Variants in ERGIC1 observed in about 807,000 individuals in gnomAD.
The protein encoded by ERGIC1 is endoplasmic reticulum-golgi intermediate compartment 1.
In ERGIC1, 19 loss-of-function variants were observed where a neutral mutation model predicts 38.3. That is an observed-to-expected ratio of 0.50 (90% CI 0.35 to 0.73). The LOEUF is 0.73. ERGIC1 is among the 30% of genes least tolerant of loss of function. ERGIC1 has a pLI of 0.01. For synonymous variants in ERGIC1, 124 were observed against 157.6 expected (o/e 0.79, Z 1.60); for missense variants, 294 against 389.2 (o/e 0.76, Z 2.06).
intron 5 of ERGIC1, chr5:172,916,580 T>A (rs1343043608): frequency 6.6e-6 from 1 of 152,228 alleles, no homozygotes; most frequent in Non-Finnish European, 1.5e-5. Context: ...ACATTTCAAG[T>A]GCTCAAAGCC....
At chr5:172,838,387 G>A (rs1761083390) in intron 1 of ERGIC1, among the ~76,000 whole-genome samples, 1 of 152,140 alleles carries the variant, frequency 6.6e-6, no homozygotes, top group Admixed American at 6.5e-5. Flanking sequence ...AGGTCATGCG[G>A]CCCTGATGGG....
intron 8 of ERGIC1, chr5:172,933,232 C>G (rs1242660729): frequency 2.0e-5 from 3 of 152,372 alleles, no homozygotes; most frequent in Admixed American, 2.0e-4. Flanking sequence ...CAGGACTGTC[C>G]TTTTTCTTCT....
At chr5:172,887,938 G>C (rs1445436131) in intron 1 of ERGIC1, among the ~76,000 whole-genome samples, 4 of 152,206 alleles carry the variant, frequency 2.6e-5, no homozygotes, top group Non-Finnish European at 4.4e-5. Context: ...GGGGAGGAGA[G>C]GTGACGTGGA....
In ERGIC1 at chr5:172,947,164, CAA is replaced by C. The variant is rs1176486990; in HGVS notation, c.766-3544_766-3543del. Among the ~76,000 whole-genome samples, 5 of 131,210 alleles carry C rather than the reference CAA, an allele frequency of 3.8e-5. No individual in the cohort carries two copies. The South Asian group carries it at 1.0e-3, about 26-fold the overall frequency. The allele number at this position is 131,210 out of a possible 152,430, so 86.1% of individuals were successfully genotyped here. A position where few individuals can be genotyped will look rare whatever the true frequency, so the allele number is the denominator to read the frequency against. The stretch of plus-strand genomic sequence containing the variant: ...CCCCATTGCACTCCAATCTGGGCGA[CAA>C]GAGTGAGACTCAATCTCAAAAAAAA... On this transcript the variant is annotated intron_variant, in intron 9 of 9. Coordinates refer to ENST00000393784, the MANE Select transcript of ERGIC1 (RefSeq NM_001031711.3).
intron 1 of ERGIC1, among the ~76,000 whole-genome samples, chr5:172,860,472 T>G (rs1255952372): frequency 6.6e-6 from 1 of 152,242 alleles, no homozygotes; most frequent in African/African-American, 2.4e-5. Flanking sequence ...AGGGCAGAGC[T>G]GGGGTTTGAA....
intron 9 of ERGIC1, among the ~76,000 whole-genome samples, chr5:172,949,035 AGAGT>A (rs1764177638): frequency 6.6e-6 from 1 of 152,222 alleles, no homozygotes; most frequent in African/African-American, 2.4e-5. Context: ...CCTGGGTGAC[AGAGT>A]GAGACCCTGT....
In ERGIC1 at chr5:172,909,778, GC is replaced by G. The variant is rs747948464; in HGVS notation, c.250+21del. 29 of 1,609,690 alleles carry G rather than the reference GC, an allele frequency of 1.8e-5. No individual in the cohort carries two copies. The highest frequency in any genetic ancestry group is 1.6e-4 in the Middle Eastern group (1 of 6,072). ...ACTGCGAGTGTGAGTACTCCACGCA[GC>G]CCCTCCCTCCAGCAGGACACCTCCT... is the stretch of plus-strand genomic sequence containing the variant. On this transcript the variant is annotated intron_variant, in intron 4 of 9. Transcript: ENST00000393784.
Position 172,923,949 on chromosome 5 carries a change from T to C in ERGIC1, c.376-56T>C. On this transcript the variant is annotated intron_variant, in intron 5 of 9. Coordinates refer to ENST00000393784, the MANE Select transcript of ERGIC1 (RefSeq NM_001031711.3). ...TGGATCACACAGGGTGAGGCCCCAA[T>C]GTTCCGCCCCCTGGAGAAGTCAACC... 3 of 1,509,306 alleles carry C rather than the reference T, an allele frequency of 2.0e-6. No individual in the cohort carries two copies. The South Asian group carries it at 3.4e-5, about 17-fold the overall frequency. 93.5% of individuals were successfully genotyped at this position (1,509,306 alleles called of 1,614,324 possible).
At position 172,890,350 on chromosome 5, in the gene ERGIC1, A is replaced by T. The variant is rs73325163; in HGVS notation, c.82+1590A>T. ...ACTGATAAGAGACTAAGGACCCAGG[A>T]TGAAAATGCAAAGTGGACTCCCAGA... On this transcript the variant is annotated intron_variant, in intron 2 of 9. Coordinates refer to ENST00000393784, the MANE Select transcript of ERGIC1 (RefSeq NM_001031711.3). Among the ~76,000 whole-genome samples the T allele has an allele frequency of 8.2e-3, 1,250 of 152,350 alleles. 16 individuals carry two copies. Among genetic ancestry groups the T allele is most frequent in the African/African-American group, 0.028 (1,182 of 41,580 alleles).
In ERGIC1 at chr5:172,914,244, A is replaced by AT. The variant is rs1468192528; in HGVS notation, c.251-470_251-469insT. Among the ~76,000 whole-genome samples, 1,083 of 141,726 alleles carry AT rather than the reference A, an allele frequency of 7.6e-3. 18 individuals are homozygous for AT. Among genetic ancestry groups the AT allele is most frequent in the African/African-American group, 0.028 (1,002 of 35,574 alleles). The allele number at this position is 141,726 out of a possible 152,430, so 93.0% of individuals were successfully genotyped here. On this transcript the variant is annotated intron_variant, in intron 4 of 9. Coordinates refer to ENST00000393784, the MANE Select transcript of ERGIC1 (RefSeq NM_001031711.3). ...AGCAAGACTCTGTCTCAAAAAAAAA[A>AT]AAAAAAAAAAAAATACAAAGACTAT...
At chr5:172,915,214 C>T (rs1181905910) in intron 5 of ERGIC1, 7 of 601,706 alleles carry the variant, frequency 1.2e-5, no homozygotes, top group Middle Eastern at 7.5e-4. Context: ...AATAGTATCA[C>T]GATACCACCC....
At chr5:172,915,138 A>G (rs1763328312) in intron 5 of ERGIC1, 3 of 673,816 alleles carry the variant, frequency 4.5e-6, no homozygotes, top group Non-Finnish European at 5.4e-6. Context: ...TTCAAGTCCC[A>G]GCTCTACCCC....
intron 5 of ERGIC1, among the ~76,000 whole-genome samples, chr5:172,920,199 A>T (rs943803384): frequency 6.6e-6 from 1 of 151,524 alleles, no homozygotes; most frequent in Admixed American, 6.6e-5. Context: ...ACCGTCCCCC[A>T]CCCCAGCCCA....
In ERGIC1 at chr5:172,834,478, A is replaced by G. The variant is rs1461645589; in HGVS notation, c.20+45A>G. On this transcript the variant is annotated intron_variant, in intron 1 of 9. Transcript: ENST00000393784. The surrounding 1 kb of genome is among the most constrained non-coding windows in gnomAD (Gnocchi z 4.1). ...CCAGTCGGGAGTTCCCTCAGCGGGC[A>G]GAGGGAGCGCCCCGGCACGCCGCGG... 1 of 1,291,024 alleles carries G rather than the reference A, an allele frequency of 7.7e-7. No homozygotes were observed. Among genetic ancestry groups the G allele is most frequent in the Non-Finnish European group, 9.8e-7 (1 of 1,016,278 alleles). The allele number at this position is 1,291,024 out of a possible 1,614,324, so 80.0% of individuals were successfully genotyped here.
At chr5:172,946,801 G>C (rs1348712652) in intron 9 of ERGIC1, among the ~76,000 whole-genome samples, 1 of 152,120 alleles carries the variant, frequency 6.6e-6, no homozygotes, top group Non-Finnish European at 1.5e-5. Flanking sequence ...GTGTCAGGGA[G>C]GCCTGAAGGA....
intron 3 of ERGIC1, among the ~76,000 whole-genome samples, chr5:172,903,833 C>G (rs1033491701): frequency 6.6e-6 from 1 of 151,940 alleles, no homozygotes; most frequent in Admixed American, 6.6e-5. Flanking sequence ...GGATTCGAAC[C>G]CTGGTAGCCT....
chr5:172,906,322 T>C (rs1763023221), intron 3 of ERGIC1: 4 of 369,898 alleles, frequency 1.1e-5, no homozygotes, highest in South Asian at 6.0e-5. Context: ...AGCTCGGCCA[T>C]TTCCTAGCAT....
chr5:172,839,997 C>G (rs911690925), intron 1 of ERGIC1, among the ~76,000 whole-genome samples: 1 of 152,200 alleles, frequency 6.6e-6, no homozygotes. Flanking sequence ...CATTGGGTTT[C>G]TCTTCACTAA....
At position 172,834,376 on chromosome 5, in the gene ERGIC1, G is replaced by A; in HGVS notation, c.-38G>A. ...TCGGACCCACGCGGCGCCGCGGCCCGCCTGGCCTGCAGCGCTCCCACCCCC... is the reference window on the plus strand; with the variant it reads ...TCGGACCCACGCGGCGCCGCGGCCCACCTGGCCTGCAGCGCTCCCACCCCC... On this transcript the variant is annotated 5_prime_UTR_variant, in exon 1 of 10. Coordinates refer to ENST00000393784, the MANE Select transcript of ERGIC1 (RefSeq NM_001031711.3). This position sits in a 1 kb window ranked among gnomAD's most constrained non-coding sequence, Gnocchi z 4.1. 2.3e-6 allele frequency: 3 copies of A among 1,283,808 alleles called. No homozygotes were observed. Among genetic ancestry groups the A allele is most frequent in the Admixed American group, 7.8e-5 (2 of 25,702 alleles). The allele number at this position is 1,283,808 out of a possible 1,614,324, so 79.5% of individuals were successfully genotyped here.
Sources: allele counts gnomAD v4.1 joint callset (sites outside exome capture counted in the v4.1 genomes callset), GRCh38; gene constraint gnomAD v4.1.1; non-coding constraint Gnocchi (gnomAD v3.1); transcripts MANE v1.5; gene names NCBI Gene and HGNC (gene_info 2026-07-23, HGNC 2026-07-21).